Variants in MAP2K6 observed in about 807,000 individuals in gnomAD.
The protein encoded by MAP2K6 is mitogen-activated protein kinase kinase 6.
In MAP2K6, 16 loss-of-function variants were observed where a neutral mutation model predicts 53.7. The observed-to-expected ratio is 0.30, with a 90% CI of 0.20 to 0.45. MAP2K6 has a LOEUF of 0.45. MAP2K6 is among the 20% of genes least tolerant of loss of function. The pLI, the probability that MAP2K6 is intolerant of heterozygous loss-of-function variation, is 1.00. For missense variants in MAP2K6, 204 were observed against 411.9 expected, an observed-to-expected ratio of 0.50 and a Z score of 4.37; for synonymous variants, 132 against 143.1, an observed-to-expected ratio of 0.92 and a Z score of 0.55.
intron 1 of MAP2K6, among the ~76,000 whole-genome samples, chr17:69,483,151 T>TGATCTCTGTTTGTAGATAACACAAACA (rs536000563): frequency 7.8e-4 from 119 of 152,094 alleles, no homozygotes; most frequent in African/African-American, 2.0e-3. Context: ...AGAAGTAAGA[T>TGATCTCTGTTTGTAGATAACACAAACA]GATCTCTGTT....
chr17:69,448,588 T>C (rs904071169), intron 1 of MAP2K6, among the ~76,000 whole-genome samples: 2 of 151,942 alleles, frequency 1.3e-5, no homozygotes, highest in Non-Finnish European at 2.9e-5. Context: ...CATTCTCCAT[T>C]GTATTTTCTT....
chr17:69,507,624 G>A (rs1050465669), intron 2 of MAP2K6, among the ~76,000 whole-genome samples: 11 of 151,966 alleles, frequency 7.2e-5, no homozygotes, highest in Non-Finnish European at 1.0e-4. Context: ...TTTTATTGAG[G>A]TTCATGTAAA....
chr17:69,512,960 T>C (rs151171362), intron 2 of MAP2K6, among the ~76,000 whole-genome samples: 2 of 152,302 alleles, frequency 1.3e-5, no homozygotes, highest in Admixed American at 1.3e-4. Flanking sequence ...AAATGAATAC[T>C]AGGTGACCTT....
At chr17:69,507,145 G>A (rs1379299229) in intron 2 of MAP2K6, among the ~76,000 whole-genome samples, 1 of 151,950 alleles carries the variant, frequency 6.6e-6, no homozygotes, top group Non-Finnish European at 1.5e-5. Flanking sequence ...TGAAATAATT[G>A]TAGATTAACA....
intron 1 of MAP2K6, among the ~76,000 whole-genome samples, chr17:69,459,709 C>CAAAAAAAAAAAAAAAAAA (rs71144694): frequency 1.8e-5 from 1 of 55,918 alleles, no homozygotes; most frequent in Admixed American, 3.2e-4. Context: ...GACTCTGTCT[C>CAAAAAAAAAAAAAAAAAA]AAAAAAAAAA....
intron 11 of MAP2K6, among the ~76,000 whole-genome samples, chr17:69,538,782 A>G (rs926909251): frequency 1.3e-5 from 2 of 152,234 alleles, no homozygotes; most frequent in African/African-American, 4.8e-5. Flanking sequence ...AGTATGACTC[A>G]GTAGAATTTG....
At chr17:69,440,120 T>G (rs1309388749) in intron 1 of MAP2K6, among the ~76,000 whole-genome samples, 1 of 152,102 alleles carries the variant, frequency 6.6e-6, no homozygotes, top group Non-Finnish European at 1.5e-5. Flanking sequence ...TGATCTCGGC[T>G]CACTGCAACT....
chr17:69,416,652 A>G (rs901938389), intron 1 of MAP2K6, among the ~76,000 whole-genome samples: 3 of 147,964 alleles, frequency 2.0e-5, no homozygotes, highest in African/African-American at 7.5e-5. Flanking sequence ...ATTTAGGGAC[A>G]CACAAAAATA....
intron 1 of MAP2K6, among the ~76,000 whole-genome samples, chr17:69,423,246 G>C (rs1343535830): frequency 6.6e-6 from 1 of 151,658 alleles, no homozygotes; most frequent in Admixed American, 6.6e-5. Flanking sequence ...TTAAATGATT[G>C]AAAAAAAATC....
intron 1 of MAP2K6, among the ~76,000 whole-genome samples, chr17:69,468,004 G>C (rs1375438700): frequency 6.6e-6 from 1 of 152,188 alleles, no homozygotes; most frequent in Non-Finnish European, 1.5e-5. Flanking sequence ...GACCTCAAGT[G>C]ATCCACCTGC....
chr17:69,483,105 A>G (rs1346766537), intron 1 of MAP2K6, among the ~76,000 whole-genome samples: 3 of 151,900 alleles, frequency 2.0e-5, no homozygotes, highest in Non-Finnish European at 4.4e-5. Flanking sequence ...CTGCTAGACA[A>G]GAAAATGAAA....
At chr17:69,500,215 G>A (rs756468954) in intron 1 of MAP2K6, among the ~76,000 whole-genome samples, 3 of 151,914 alleles carry the variant, frequency 2.0e-5, no homozygotes, top group African/African-American at 4.8e-5. Flanking sequence ...TAAGGCGGGC[G>A]GATAACCTGA....
At chr17:69,510,282 C>A (rs779022834) in intron 2 of MAP2K6, among the ~76,000 whole-genome samples, 1 of 152,136 alleles carries the variant, frequency 6.6e-6, no homozygotes, top group Non-Finnish European at 1.5e-5. Context: ...ACTCAGCTAG[C>A]TTTGCATACC....
In MAP2K6 at chr17:69,518,962, G is replaced by C. The variant is rs61758047; in HGVS notation, c.247-351G>C. Reference sequence around the variant, plus strand: ...GAGCTTTTGGCTTTTTATTTTCTTGGGACCCCAGATAAGCAGCAAAGTCCT... The same window carrying C: ...GAGCTTTTGGCTTTTTATTTTCTTGCGACCCCAGATAAGCAGCAAAGTCCT... On this transcript the variant is annotated intron_variant, in intron 4 of 11. Transcript: ENST00000590474. Among the ~76,000 whole-genome samples the C allele has an allele frequency of 3.1e-3, 468 of 152,012 alleles. 1 individual carries two copies. The highest frequency in any genetic ancestry group is 5.0e-3 in the Admixed American group (77 of 15,274).
At chr17:69,476,331 C>T (rs1028751134) in intron 1 of MAP2K6, among the ~76,000 whole-genome samples, 14 of 152,150 alleles carry the variant, frequency 9.2e-5, no homozygotes, top group Non-Finnish European at 8.8e-5. Flanking sequence ...AACCAAAAAA[C>T]CAAGCTACCT....
Position 69,523,593 on chromosome 17 carries a change from G to A in MAP2K6, c.615G>A (p.Val205=), listed in dbSNP as rs375580762. The A allele has an allele frequency of 6.2e-7, 1 of 1,613,948 alleles. No homozygotes were observed. Among genetic ancestry groups the A allele is most frequent in the Non-Finnish European group, 8.5e-7 (1 of 1,179,966 alleles). Residue 205 remains valine (V), a synonymous_variant, in exon 8 of 12, where the codon GTG becomes GTA. Coordinates refer to ENST00000590474, the MANE Select transcript of MAP2K6 (RefSeq NM_002758.4). ...MCDFGISGYL[V]DSVAKTIDAG... ...ATTTTGGAATCAGTGGCTACTTGGT[G>A]GACTCTGTTGCTAAAACAATTGATG...
intron 1 of MAP2K6, among the ~76,000 whole-genome samples, chr17:69,490,596 T>C (rs57473471): frequency 0.044 from 6,647 of 152,270 alleles, 429 homozygotes; most frequent in East Asian, 0.15. Flanking sequence ...CAATAAATGT[T>C]GGAAGAAAAT....
intron 1 of MAP2K6, among the ~76,000 whole-genome samples, chr17:69,449,771 G>A (rs1434801011): frequency 5.4e-5 from 8 of 147,352 alleles, no homozygotes; most frequent in Admixed American, 1.4e-4. Flanking sequence ...CCGCCACCTC[G>A]CCCGGCTAAT....
chr17:69,428,839 T>C (rs1323824316), intron 1 of MAP2K6, among the ~76,000 whole-genome samples: 2 of 149,062 alleles, frequency 1.3e-5, no homozygotes, highest in Non-Finnish European at 3.0e-5. Context: ...ACAGACTACC[T>C]GCCCTTTCTT....
Sources: gnomAD v4.1 joint callset for allele counts (sites outside exome capture counted in the v4.1 genomes callset) on GRCh38, gnomAD v4.1.1 for gene constraint, MANE v1.5 for transcripts, NCBI Gene and HGNC (gene_info 2026-07-23, HGNC 2026-07-21) for gene names.